ATG10: variants seen among roughly 807,000 people sequenced by gnomAD.
The protein encoded by ATG10 is autophagy related 10.
ATG10 carries 30 observed loss-of-function variants against 32.1 expected under a neutral mutation model. That is an observed-to-expected ratio of 0.94 (90% CI 0.70 to 1.27). The LOEUF is 1.27. Among genes scored for constraint, ATG10 ranks in the 50% most tolerant of loss-of-function variants. The pLI, the probability that ATG10 is intolerant of heterozygous loss-of-function variation, is 0.00. For missense variants in ATG10, 233 were observed against 262.3 expected (o/e 0.89, Z 0.77); for synonymous variants, 87 against 91.5 (o/e 0.95, Z 0.28).
chr5:82,070,062 G>A (rs1764076226), intron 3 of ATG10, among the ~76,000 whole-genome samples: 1 of 152,180 alleles, frequency 6.6e-6, no homozygotes, highest in African/African-American at 2.4e-5. Flanking sequence ...GAAGCTTCAT[G>A]CAGTTCAAGC....
chr5:82,005,611 A>G (rs567005001), intron 2 of ATG10, among the ~76,000 whole-genome samples: 8 of 152,192 alleles, frequency 5.3e-5, no homozygotes, highest in African/African-American at 1.9e-4. Flanking sequence ...TCTTTTTGGG[A>G]TTTGTGCAAC....
At chr5:82,086,463 G>C (rs1442465942) in intron 3 of ATG10, among the ~76,000 whole-genome samples, 1 of 152,102 alleles carries the variant, frequency 6.6e-6, no homozygotes, top group Non-Finnish European at 1.5e-5. Context: ...GGACTAGTTG[G>C]GACTGACAGG....
At chr5:82,117,377 G>T (rs1275045191) in intron 3 of ATG10, among the ~76,000 whole-genome samples, 1 of 152,078 alleles carries the variant, frequency 6.6e-6, no homozygotes, top group African/African-American at 2.4e-5. Flanking sequence ...GTGAGAACCA[G>T]ATTTTTAAAA....
At chr5:81,993,343 CTTTCT>C (rs1761526872) in intron 2 of ATG10, among the ~76,000 whole-genome samples, 1 of 39,200 alleles carries the variant, frequency 2.6e-5, no homozygotes, top group Admixed American at 3.5e-4. Flanking sequence ...TTCCTTCTTT[CTTTCT>C]TTCTTTCTTT....
chr5:82,127,873 C>T (rs1766344476), intron 3 of ATG10, among the ~76,000 whole-genome samples: 1 of 152,020 alleles, frequency 6.6e-6, no homozygotes, highest in Non-Finnish European at 1.5e-5. Context: ...CTAATATTGA[C>T]AGTGGGGTGT....
rs560742941 is a variant in ATG10, at chr5:82,253,398, G to A, written c.636G>A (p.Thr212=). 1.0e-5 allele frequency: 16 copies of A among 1,603,580 alleles called. No homozygotes were observed. In the Admixed American group the frequency reaches 1.2e-4, roughly 12 times the overall value. ...TACCTCTGAGTTATGCCAAAGCAAC[G>A]TCTCAGGATGAACGAAATGTCCCTT... The part of the protein sequence containing the change: ...LNLPLSYAKA[T]SQDERNVP Residue 212 remains threonine (T), a synonymous_variant, in exon 7 of 8, where the codon ACG becomes ACA. Coordinates refer to ENST00000282185, the MANE Select transcript of ATG10 (RefSeq NM_031482.5).
Position 82,097,536 on chromosome 5 carries a change from A to T in ATG10, c.216+38934A>T, listed in dbSNP as rs533993339. ...AGCCATGTTTAAAAACGAAACCCAAACTAGAAACACAAATCATTTTCCTCA... is the reference window on the plus strand; with the variant it reads ...AGCCATGTTTAAAAACGAAACCCAATCTAGAAACACAAATCATTTTCCTCA... On this transcript the variant is annotated intron_variant, in intron 3 of 7. Transcript: ENST00000282185. Among the ~76,000 whole-genome samples, 25 of 152,272 alleles carry T rather than the reference A, an allele frequency of 1.6e-4. No homozygotes were observed. In the South Asian group the frequency reaches 5.0e-3, roughly 30 times the overall value.
intron 2 of ATG10, among the ~76,000 whole-genome samples, chr5:82,042,826 G>T (rs1169888889): frequency 6.6e-6 from 1 of 152,160 alleles, no homozygotes; most frequent in Non-Finnish European, 1.5e-5. Flanking sequence ...GGCTCCCATG[G>T]GTTTGGGCAG....
intron 2 of ATG10, among the ~76,000 whole-genome samples, chr5:82,005,051 AT>A (rs1380487737): frequency 6.6e-6 from 1 of 152,206 alleles, no homozygotes; most frequent in Non-Finnish European, 1.5e-5. Context: ...ATATTTGATT[AT>A]GGACTCATGT....
chr5:82,036,553 C>T (rs1440284633), intron 2 of ATG10, among the ~76,000 whole-genome samples: 2 of 152,106 alleles, frequency 1.3e-5, no homozygotes, highest in African/African-American at 4.8e-5. Context: ...GAGATTGTGC[C>T]ATTGCACTCT....
chr5:82,077,738 T>C (rs1764326124), intron 3 of ATG10, among the ~76,000 whole-genome samples: 1 of 152,220 alleles, frequency 6.6e-6, no homozygotes, highest in African/African-American at 2.4e-5. Flanking sequence ...GCCAGCACTT[T>C]ATAAAGCAAA....
chr5:82,241,982 T>C (rs763794063), intron 5 of ATG10, among the ~76,000 whole-genome samples: 2 of 151,946 alleles, frequency 1.3e-5, no homozygotes, highest in Non-Finnish European at 2.9e-5. Context: ...CCTCAAAGAA[T>C]TACCATATTT....
chr5:81,988,251 C>T (rs1254649226), intron 2 of ATG10, among the ~76,000 whole-genome samples: 1 of 152,098 alleles, frequency 6.6e-6, no homozygotes, highest in African/African-American at 2.4e-5. Context: ...ATTCTTGTGC[C>T]TCAGCCTCCC....
rs1011966902 is a variant in ATG10 at position 82,020,546 on chromosome 5, A to G, written c.108+32868A>G. Reference sequence around the variant, plus strand: ...TCGGAAGTCTGCAAATTGACTGGACAGTTTTGCTGATCTGTGACAAGTTCA... The same window carrying G: ...TCGGAAGTCTGCAAATTGACTGGACGGTTTTGCTGATCTGTGACAAGTTCA... On this transcript the variant is annotated intron_variant, in intron 2 of 7. Transcript: ENST00000282185. 3.3e-5 allele frequency among the ~76,000 whole-genome samples: 5 copies of G among 152,292 alleles called. No homozygotes were observed. In the South Asian group the frequency reaches 8.3e-4, roughly 25 times the overall value.
intron 3 of ATG10, among the ~76,000 whole-genome samples, chr5:82,130,925 A>G (rs1314826800): frequency 1.3e-5 from 2 of 152,200 alleles, no homozygotes; most frequent in African/African-American, 2.4e-5. Flanking sequence ...CTTTGCAGCA[A>G]CATGAATGGA....
chr5:81,993,393 TTTTTC>T (rs1554039364), intron 2 of ATG10, among the ~76,000 whole-genome samples: 2 of 105,670 alleles, frequency 1.9e-5, no homozygotes, highest in African/African-American at 8.2e-5. Flanking sequence ...CTTTTCTTTT[TTTTTC>T]TTTTCTTTTC....
At chr5:82,079,084 C>G (rs1764378280) in intron 3 of ATG10, among the ~76,000 whole-genome samples, 1 of 152,168 alleles carries the variant, frequency 6.6e-6, no homozygotes, top group Admixed American at 6.5e-5. Flanking sequence ...GTGTTTCTAA[C>G]CTCATTCTTG....
intron 1 of ATG10, among the ~76,000 whole-genome samples, chr5:81,978,930 C>T (rs1221175722): frequency 2.6e-5 from 4 of 151,700 alleles, no homozygotes; most frequent in African/African-American, 4.8e-5. Flanking sequence ...GATGGAGTCT[C>T]GCTTTGTCGC....
intron 3 of ATG10, among the ~76,000 whole-genome samples, chr5:82,115,903 G>A (rs1725511225): frequency 6.6e-6 from 1 of 152,066 alleles, no homozygotes; most frequent in East Asian, 1.9e-4. Flanking sequence ...TTCAAGAGAA[G>A]AAGAAGCAAG....
Sources: allele counts gnomAD v4.1 joint callset (sites outside exome capture counted in the v4.1 genomes callset), GRCh38; gene constraint gnomAD v4.1.1; transcripts MANE v1.5; gene names NCBI Gene and HGNC (gene_info 2026-07-23, HGNC 2026-07-21).